The following NELL2 variants were observed in gnomAD, a reference collection of about 807,000 sequenced individuals.
NELL2 encodes the protein neural EGFL like 2, also known as protein kinase C-binding protein NELL2.
NELL2 carries 41 observed loss-of-function variants against 109.6 expected under a neutral mutation model. The observed-to-expected ratio is 0.37, with a 90% CI of 0.29 to 0.49. NELL2 has a LOEUF of 0.49. NELL2 is among the 20% of genes least tolerant of loss of function. The probability of loss-of-function intolerance (pLI) is 0.98; values close to 1 mark genes in which losing one functional copy is unlikely to be tolerated. For missense variants in NELL2, 900 were observed against 1,008.3 expected (o/e 0.89, Z 1.45); for synonymous variants, 355 against 344.7 (o/e 1.03, Z -0.33).
chr12:44,715,594 G>C (rs997720031), intron 9 of NELL2, among the ~76,000 whole-genome samples: 2 of 151,916 alleles, frequency 1.3e-5, no homozygotes, highest in African/African-American at 4.8e-5. Flanking sequence ...CTCCTTGTAA[G>C]ATGCTGAACT....
chr12:44,911,748 T>G (rs1034195423), intron 1 of NELL2, among the ~76,000 whole-genome samples: 4 of 151,852 alleles, frequency 2.6e-5, no homozygotes, highest in African/African-American at 9.7e-5. Flanking sequence ...AAAACATGTA[T>G]GTAAGCAAAA....
chr12:44,814,544 C>T (rs971051603), intron 3 of NELL2, among the ~76,000 whole-genome samples: 14 of 152,132 alleles, frequency 9.2e-5, no homozygotes, highest in Admixed American at 9.1e-4. Context: ...GGGAATAGCC[C>T]AGTGAACCCT....
intron 2 of NELL2, among the ~76,000 whole-genome samples, chr12:44,868,464 T>C (rs1010500108): frequency 6.6e-6 from 1 of 152,196 alleles, no homozygotes; most frequent in Non-Finnish European, 1.5e-5. Context: ...ATCTCACATC[T>C]TGACAATTAT....
intron 13 of NELL2, among the ~76,000 whole-genome samples, chr12:44,621,803 AT>A (rs1946071531): frequency 6.6e-6 from 1 of 152,088 alleles, no homozygotes; most frequent in African/African-American, 2.4e-5. Context: ...AGCTGTCTAG[AT>A]TTTTTGGAGT....
At chr12:44,529,719 A>G (rs1407870082) in intron 16 of NELL2, among the ~76,000 whole-genome samples, 1 of 152,202 alleles carries the variant, frequency 6.6e-6, no homozygotes, top group Admixed American at 6.5e-5. Flanking sequence ...GATCAAGGAG[A>G]TAGTAACTGA....
intron 13 of NELL2, among the ~76,000 whole-genome samples, chr12:44,626,790 T>C (rs1463927689): frequency 1.3e-5 from 2 of 152,140 alleles, no homozygotes; most frequent in Admixed American, 6.6e-5. Context: ...AATTAATAGG[T>C]GACAGAATCT....
chr12:44,544,707 A>G (rs1470046393), intron 15 of NELL2, among the ~76,000 whole-genome samples: 2 of 152,122 alleles, frequency 1.3e-5, no homozygotes, highest in African/African-American at 4.8e-5. Flanking sequence ...AATGTTGAGT[A>G]TAATAATATG....
intron 13 of NELL2, among the ~76,000 whole-genome samples, chr12:44,625,283 T>C (rs1336116352): frequency 1.3e-5 from 2 of 151,964 alleles, no homozygotes; most frequent in Non-Finnish European, 2.9e-5. Context: ...ACTGCCTTCA[T>C]TATAAAGATG....
At chr12:44,834,711 C>T (rs1165385712) in intron 2 of NELL2, among the ~76,000 whole-genome samples, 1 of 152,152 alleles carries the variant, frequency 6.6e-6, no homozygotes, top group Non-Finnish European at 1.5e-5. Context: ...CCAGCCCCTC[C>T]TCACTTAGAC....
upstream of NELL2, chr12:44,876,542 C>T: frequency 6.9e-7 from 1 of 1,445,624 alleles, no homozygotes; most frequent in South Asian, 1.5e-5. Context: ...GCAATGCCAA[C>T]CTCCTTTCGG....
chr12:44,679,842 C>T (rs1172868352), intron 12 of NELL2, among the ~76,000 whole-genome samples: 1 of 152,132 alleles, frequency 6.6e-6, no homozygotes, highest in African/African-American at 2.4e-5. Flanking sequence ...AGTCTCAATT[C>T]CTACATAGTA....
chr12:44,679,377 C>T lies in NELL2; in HGVS notation c.1319-13768G>A, dbSNP rs533887642. On this transcript the variant is annotated intron_variant, in intron 12 of 19. Coordinates refer to ENST00000429094, the MANE Select transcript of NELL2 (RefSeq NM_001145108.2). ...TACAATCATCATTGTAGGAAATGAGCGAAAACTCTGCTGGGATGCACAGTA... is the reference window on the plus strand; with the variant it reads ...TACAATCATCATTGTAGGAAATGAGTGAAAACTCTGCTGGGATGCACAGTA... Among the ~76,000 whole-genome samples the T allele has an allele frequency of 3.3e-5, 5 of 152,048 alleles. No individual in the cohort carries two copies. In the East Asian group the frequency reaches 7.7e-4, roughly 23 times the overall value.
At chr12:44,529,931 T>C (rs1941964820) in intron 16 of NELL2, among the ~76,000 whole-genome samples, 1 of 152,224 alleles carries the variant, frequency 6.6e-6, no homozygotes. Context: ...AAGTTACTTT[T>C]TGTTTGCTTT....
chr12:44,742,903 C>T (rs1237887039), intron 9 of NELL2, among the ~76,000 whole-genome samples: 2 of 152,090 alleles, frequency 1.3e-5, no homozygotes, highest in East Asian at 3.9e-4. Context: ...GAGAACTTCC[C>T]CAATCTAGCA....
intron 10 of NELL2, among the ~76,000 whole-genome samples, chr12:44,712,511 G>C (rs59701515): frequency 0.031 from 4,688 of 152,014 alleles, 233 homozygotes; most frequent in African/African-American, 0.1. Context: ...ATTTTCAAAA[G>C]GACAAAACTG....
intron 15 of NELL2, among the ~76,000 whole-genome samples, chr12:44,576,286 G>A (rs147599775): frequency 6.6e-5 from 10 of 152,278 alleles, no homozygotes; most frequent in East Asian, 1.9e-4. Context: ...GTAAGATTTC[G>A]CAGTCATATC....
At chr12:44,588,257 C>G (rs1944615033) in intron 15 of NELL2, among the ~76,000 whole-genome samples, 1 of 152,020 alleles carries the variant, frequency 6.6e-6, no homozygotes, top group Non-Finnish European at 1.5e-5. Flanking sequence ...CACATCTGGA[C>G]ACATCTTGCA....
intron 13 of NELL2, among the ~76,000 whole-genome samples, chr12:44,662,238 T>C (rs1392581365): frequency 3.9e-5 from 6 of 152,210 alleles, no homozygotes; most frequent in African/African-American, 9.6e-5. Context: ...ATAAGATCTG[T>C]AGGGTAAAAA....
At chr12:44,833,130 C>T (rs1943936792) in intron 2 of NELL2, among the ~76,000 whole-genome samples, 1 of 152,160 alleles carries the variant, frequency 6.6e-6, no homozygotes, top group Non-Finnish European at 1.5e-5. Flanking sequence ...GAACACTTAA[C>T]AAATAAATGT....
Sources: gnomAD v4.1 joint callset for allele counts (sites outside exome capture counted in the v4.1 genomes callset) on GRCh38, gnomAD v4.1.1 for gene constraint, MANE v1.5 for transcripts, NCBI Gene and HGNC (gene_info 2026-07-23, HGNC 2026-07-21) for gene names.